EFCAB6: variants seen among roughly 807,000 people sequenced by gnomAD.
EFCAB6 encodes EF-hand calcium-binding domain-containing protein 6.
In EFCAB6, 156 loss-of-function variants were observed where a neutral mutation model predicts 169.8. That is an observed-to-expected ratio of 0.92 (90% CI 0.81 to 1.05). The LOEUF (loss-of-function observed/expected upper bound fraction) is 1.05, where lower values mean the gene tolerates loss of function less well. Ranked by LOEUF, EFCAB6 falls within the 50% of genes least tolerant of loss-of-function variation. EFCAB6 has a pLI of 0.00. For missense variants in EFCAB6, 1,800 were observed against 1,829.1 expected (o/e 0.98, Z 0.29); for synonymous variants, 698 against 676.4 (o/e 1.03, Z -0.50).
chr22:43,661,648 A>G (rs2057007349), intron 17 of EFCAB6, among the ~76,000 whole-genome samples: 1 of 152,188 alleles, frequency 6.6e-6, no homozygotes, highest in Admixed American at 6.5e-5. Flanking sequence ...ACATCCAACC[A>G]TGGAAAGCAC....
At chr22:43,789,297 A>G (rs1483486042) in intron 2 of EFCAB6, among the ~76,000 whole-genome samples, 14 of 152,186 alleles carry the variant, frequency 9.2e-5, no homozygotes, top group Non-Finnish European at 1.3e-4. Context: ...CAATTAGAAA[A>G]AAGGAGGAAG....
At chr22:43,755,613 G>A (rs1031530456) in intron 6 of EFCAB6, among the ~76,000 whole-genome samples, 153 bp downstream of exon 6, 16 of 152,170 alleles carry the variant, frequency 1.1e-4, no homozygotes, top group Admixed American at 9.2e-4. Context: ...TTTCGCACTG[G>A]CTTGTTATCA....
chr22:43,753,342 G>A (rs1302065490), intron 6 of EFCAB6, among the ~76,000 whole-genome samples: 1 of 152,228 alleles, frequency 6.6e-6, no homozygotes. Flanking sequence ...TAGCAAGTGA[G>A]GAATGCGCCA....
intron 8 of EFCAB6, among the ~76,000 whole-genome samples, chr22:43,726,456 C>A (rs1371218669): frequency 6.6e-6 from 1 of 152,174 alleles, no homozygotes; most frequent in African/African-American, 2.4e-5. Flanking sequence ...CCCTGGGGAG[C>A]AACTGAAAGC....
At chr22:43,767,828 T>C (rs1384640542) in intron 4 of EFCAB6, among the ~76,000 whole-genome samples, 2 of 151,440 alleles carry the variant, frequency 1.3e-5, no homozygotes, top group Non-Finnish European at 2.9e-5. Context: ...GCGATGATAG[T>C]CTCCAAAGCT....
rs1255127112 is a variant in EFCAB6 at position 43,566,540 on chromosome 22, T to C, written c.3420+9757A>G. Among the ~76,000 whole-genome samples, 4 of 152,296 alleles carry C rather than the reference T, an allele frequency of 2.6e-5. No homozygotes were observed. In the South Asian group the frequency reaches 6.2e-4, roughly 24 times the overall value. ...CTCACATCACCCTGAGAGGCAGCCG[T>C]GGCTCTCCCTGCTGTATAGACAAAG... On this transcript the variant is annotated intron_variant, in intron 26 of 31. Coordinates refer to ENST00000262726, the MANE Select transcript of EFCAB6 (RefSeq NM_022785.4).
At chr22:43,759,268 A>G (rs1236205022) in intron 5 of EFCAB6, 1 of 152,232 alleles carries the variant, frequency 6.6e-6, no homozygotes, top group Non-Finnish European at 1.5e-5. Context: ...TGCAATACAC[A>G]GTACTGGTGA....
At chr22:43,632,548 C>T (rs1231972026) in intron 18 of EFCAB6, among the ~76,000 whole-genome samples, 1 of 152,220 alleles carries the variant, frequency 6.6e-6, no homozygotes, top group Admixed American at 6.5e-5. Flanking sequence ...GATCCGCCCG[C>T]CTCAGCCTCC....
chr22:43,724,059 C>T (rs566878001), intron 8 of EFCAB6, among the ~76,000 whole-genome samples: 187 of 152,330 alleles, frequency 1.2e-3, no homozygotes, highest in African/African-American at 4.3e-3. Flanking sequence ...CCAGGCTGCA[C>T]TTCCTTCAGG....
At chr22:43,653,103 G>T (rs1041800493) in intron 17 of EFCAB6, among the ~76,000 whole-genome samples, 1 of 152,124 alleles carries the variant, frequency 6.6e-6, no homozygotes, top group African/African-American at 2.4e-5. Flanking sequence ...GAGGCATGTG[G>T]GATCCTGGAA....
At chr22:43,566,496 C>A (rs1305956649) in intron 26 of EFCAB6, among the ~76,000 whole-genome samples, 2 of 152,210 alleles carry the variant, frequency 1.3e-5, no homozygotes, top group Non-Finnish European at 2.9e-5. Context: ...AGCTGGGGAA[C>A]AGGGAATCTT....
intron 13 of EFCAB6, 100 bp from the exon 14 acceptor site, chr22:43,672,405 C>T (rs566704749): frequency 1.6e-6 from 2 of 1,257,794 alleles, no homozygotes; most frequent in African/African-American, 1.5e-5. Flanking sequence ...AGCTCTGTCC[C>T]TAATTAGCCA....
intron 24 of EFCAB6, among the ~76,000 whole-genome samples, chr22:43,588,704 C>T (rs537045763): frequency 6.6e-6 from 1 of 151,852 alleles, no homozygotes; most frequent in East Asian, 1.9e-4. Flanking sequence ...GGGCAATCTT[C>T]AAGAAGATGA....
chr22:43,722,369 A>C (rs934194856), intron 8 of EFCAB6, among the ~76,000 whole-genome samples: 5 of 152,078 alleles, frequency 3.3e-5, no homozygotes, highest in Admixed American at 6.6e-5. Context: ...TACTTAAAAA[A>C]AAAAAATTAA....
intron 3 of EFCAB6, among the ~76,000 whole-genome samples, chr22:43,779,233 A>G (rs369310705): frequency 2.0e-5 from 3 of 152,250 alleles, no homozygotes; most frequent in African/African-American, 7.2e-5. Context: ...ACTCAGGTCT[A>G]TAGAAATGAT....
intron 8 of EFCAB6, among the ~76,000 whole-genome samples, chr22:43,725,499 G>C (rs1052073819): frequency 4.6e-5 from 7 of 152,176 alleles, no homozygotes; most frequent in Non-Finnish European, 1.0e-4. Flanking sequence ...CCTTCACAGG[G>C]GCAGAGCCCT....
intron 23 of EFCAB6, among the ~76,000 whole-genome samples, chr22:43,595,104 A>T (rs1361612726): frequency 6.6e-6 from 1 of 152,276 alleles, no homozygotes; most frequent in East Asian, 1.9e-4. Context: ...ACATACCAAA[A>T]ATCTATGGGA....
chr22:43,652,292 T>C (rs2056511375), intron 17 of EFCAB6, among the ~76,000 whole-genome samples: 1 of 152,194 alleles, frequency 6.6e-6, no homozygotes, highest in Non-Finnish European at 1.5e-5. Context: ...GGCATTCTCC[T>C]GCACAAGCTC....
intron 21 of EFCAB6, among the ~76,000 whole-genome samples, chr22:43,611,756 C>A (rs1730608880): frequency 6.6e-6 from 1 of 152,092 alleles, no homozygotes; most frequent in African/African-American, 2.4e-5. Context: ...CAAGATCACA[C>A]CACTGCACTC....
Sources: gnomAD v4.1 joint callset for allele counts (sites outside exome capture counted in the v4.1 genomes callset) on GRCh38, gnomAD v4.1.1 for gene constraint, MANE v1.5 for transcripts, NCBI Gene and HGNC (gene_info 2026-07-23, HGNC 2026-07-21) for gene names.